SYCP1: variants seen among roughly 807,000 people sequenced by gnomAD.
SYCP1 encodes the protein cancer/testis antigen 8.
A neutral mutation model predicts 153.1 loss-of-function variants in SYCP1; 64 were observed. The ratio of observed to expected loss-of-function variants is 0.42; its 90% CI spans 0.34 to 0.51. SYCP1 has a LOEUF of 0.51. Among genes scored for constraint, SYCP1 ranks in the 20% least tolerant of loss-of-function variants. The pLI, the probability that SYCP1 is intolerant of heterozygous loss-of-function variation, is 0.06. For synonymous variants in SYCP1, 384 were observed against 341.8 expected, an observed-to-expected ratio of 1.12 and a Z score of -1.36; for missense variants, 997 against 1,049.0, an observed-to-expected ratio of 0.95 and a Z score of 0.68.
chr1:114,882,715 G>T (rs753405291), intron 12 of SYCP1, among the ~76,000 whole-genome samples: 1 of 151,812 alleles, frequency 6.6e-6, no homozygotes, highest in Non-Finnish European at 1.5e-5. Flanking sequence ...ATAAGTTAAG[G>T]CCTGCTTAAC....
intron 3 of SYCP1, 122 bp downstream of exon 3, chr1:114,856,779 A>G: frequency 1.4e-6 from 1 of 703,788 alleles, no homozygotes; most frequent in Non-Finnish European, 2.2e-6. Flanking sequence ...GCTAGATATA[A>G]TACTTAATAT....
intron 30 of SYCP1, among the ~76,000 whole-genome samples, chr1:114,988,197 G>A (rs559647588): frequency 4.6e-5 from 7 of 151,552 alleles, no homozygotes; most frequent in African/African-American, 1.7e-4. Context: ...AAGGAGAAGA[G>A]GGAGAGAGGA....
chr1:114,986,610 C>T (rs544415734), intron 30 of SYCP1, among the ~76,000 whole-genome samples: 3 of 151,910 alleles, frequency 2.0e-5, no homozygotes, highest in Middle Eastern at 3.4e-3. Context: ...ATTATATGAA[C>T]CTATTAGTCA....
At chr1:114,949,487 A>G (rs186483257) in intron 27 of SYCP1, among the ~76,000 whole-genome samples, 106 of 152,332 alleles carry the variant, frequency 7.0e-4, no homozygotes, top group Admixed American at 2.4e-3. Context: ...ATAGTTAAGA[A>G]TTCAGCCTAG....
At chr1:114,947,140 T>C in intron 26 of SYCP1, 106 bp from the exon 27 acceptor site, 1 of 848,196 alleles carries the variant, frequency 1.2e-6, no homozygotes, top group South Asian at 1.6e-5. Context: ...TATGAGTGAA[T>C]TTATTTCTCT....
At chr1:114,866,602 T>C (rs1470961776) in intron 8 of SYCP1, among the ~76,000 whole-genome samples, 1 of 152,186 alleles carries the variant, frequency 6.6e-6, no homozygotes, top group East Asian at 1.9e-4. Flanking sequence ...TTGTATATTA[T>C]AGAAAACAGT....
At chr1:114,934,434 G>A (rs1478907033) in intron 23 of SYCP1, among the ~76,000 whole-genome samples, 8 of 152,062 alleles carry the variant, frequency 5.3e-5, no homozygotes, top group Admixed American at 2.0e-4. Context: ...AAGAACAACC[G>A]GTACCAGCCA....
intron 27 of SYCP1, among the ~76,000 whole-genome samples, chr1:114,951,652 G>A (rs957600517): frequency 2.0e-5 from 3 of 152,134 alleles, no homozygotes; most frequent in Non-Finnish European, 4.4e-5. Flanking sequence ...GAGATCCCAT[G>A]TATCCTTTAT....
At chr1:114,923,551 G>A (rs1185557212) in intron 21 of SYCP1, 21 bp downstream of exon 21, 1 of 1,544,274 alleles carries the variant, frequency 6.5e-7, no homozygotes, top group Non-Finnish European at 8.8e-7. Flanking sequence ...TTTAATAATG[G>A]ATCGTATCAC....
At position 114,876,807 on chromosome 1, in the gene SYCP1, G is replaced by A; in HGVS notation, c.798G>A (p.Lys266=). 1 of 1,385,948 alleles carries A rather than the reference G, an allele frequency of 7.2e-7. No individual in the cohort carries two copies. The allele number at this position is 1,385,948 out of a possible 1,614,324, so 85.9% of individuals were successfully genotyped here. ...AGAAGGAAATAAATGACAAGGAAAA[G>A]CAGGTTTTTTAAAAAACCAACTCTT... ...EYKKEINDKE[K]QVSLLLIQIT... The change falls in exon 11 of 32, where the codon AAG becomes AAA. Residue 266 remains lysine, a synonymous_variant. Coordinates refer to ENST00000369522, the MANE Select transcript of SYCP1 (RefSeq NM_003176.4).
intron 23 of SYCP1, among the ~76,000 whole-genome samples, chr1:114,934,613 G>T (rs1156781313): frequency 6.6e-6 from 1 of 152,102 alleles, no homozygotes; most frequent in Non-Finnish European, 1.5e-5. Flanking sequence ...ATACAGACTG[G>T]CAAATTGGAT....
Position 114,885,763 on chromosome 1 carries a change from C to A in SYCP1, c.1005+134C>A, listed in dbSNP as rs936204638. On this transcript the variant is annotated intron_variant, in intron 13 of 31. Coordinates refer to ENST00000369522, the MANE Select transcript of SYCP1 (RefSeq NM_003176.4). ...TTAGAGAAGACACAATCCTAGTCTG[C>A]AAAATGCTATAGTTTAGAGACATTG... 7.2e-6 allele frequency: 4 copies of A among 558,076 alleles called. No individual in the cohort carries two copies. The Admixed American group carries it at 1.6e-4, about 22-fold the overall frequency. The allele number at this position is 558,076 out of a possible 1,614,324, so 34.6% of individuals were successfully genotyped here.
chr1:114,938,387 A>T (rs2101796321), intron 23 of SYCP1, among the ~76,000 whole-genome samples: 1 of 94,668 alleles, frequency 1.1e-5, no homozygotes, highest in East Asian at 3.6e-4. Context: ...ATCACACACC[A>T]GGGCCTGTTG....
chr1:114,980,445 T>C (rs901127349), intron 28 of SYCP1, among the ~76,000 whole-genome samples: 1 of 151,948 alleles, frequency 6.6e-6, no homozygotes, highest in Non-Finnish European at 1.5e-5. Context: ...TTTATTTATT[T>C]AGAATTGAAG....
At chr1:114,977,432 A>G (rs1436678896) in intron 27 of SYCP1, 125 bp from the exon 28 acceptor site, 3 of 579,836 alleles carry the variant, frequency 5.2e-6, no homozygotes. Context: ...TCTTTTTATT[A>G]CTTTATAAGA....
intron 26 of SYCP1, among the ~76,000 whole-genome samples, 159 bp from the exon 27 acceptor site, chr1:114,947,087 C>T (rs1452615100): frequency 2.0e-5 from 3 of 152,150 alleles, no homozygotes; most frequent in Non-Finnish European, 2.9e-5. Flanking sequence ...CTATGTTAAG[C>T]TAGCAGCCTT....
At position 114,994,996 on chromosome 1, in the gene SYCP1, G is replaced by T. The variant is rs775529599; in HGVS notation, c.2908G>T (p.Glu970Ter). 1.2e-6 allele frequency: 2 copies of T among 1,600,114 alleles called. No homozygotes were observed. Among genetic ancestry groups the T allele is most frequent in the Non-Finnish European group, 1.7e-6 (2 of 1,174,188 alleles). ...AATGGATAGAAAAAAAAAACTAAAA[G>T]AAGCTGAAAAGTTATTTGTTTAATT... ...AKMDRKKKLK[E>*]AEKLFV The change falls in exon 32 of 32, where the codon GAA (glutamate) becomes TAA (stop). Residue 970 changes from glutamate to a stop codon, truncating the protein, a stop_gained. Transcript: ENST00000369522. LOFTEE classifies it high-confidence loss of function.
chr1:114,945,414 A>G (rs1329717467), intron 25 of SYCP1, among the ~76,000 whole-genome samples: 1 of 151,870 alleles, frequency 6.6e-6, no homozygotes, highest in Non-Finnish European at 1.5e-5. Context: ...TATATTTTTA[A>G]TTGTTGTTTT....
At chr1:114,991,682 C>T (rs965395109) in intron 30 of SYCP1, among the ~76,000 whole-genome samples, 1 of 151,674 alleles carries the variant, frequency 6.6e-6, no homozygotes, top group Non-Finnish European at 1.5e-5. Flanking sequence ...TTTATGGAAA[C>T]CCCTAGCTAA....
Sources: gnomAD v4.1 joint callset for allele counts (sites outside exome capture counted in the v4.1 genomes callset) on GRCh38, gnomAD v4.1.1 for gene constraint, MANE v1.5 for transcripts, NCBI Gene and HGNC (gene_info 2026-07-23, HGNC 2026-07-21) for gene names.